IPMK: variants seen among roughly 807,000 people sequenced by gnomAD.
IPMK encodes the protein inositol polyphosphate multikinase, also known as inositol 1,3,4,6-tetrakisphosphate 5-kinase.
Under a neutral mutation model 45.8 loss-of-function variants are expected in IPMK, and 17 were observed. That is an observed-to-expected ratio of 0.37 (90% CI 0.25 to 0.56). The LOEUF (loss-of-function observed/expected upper bound fraction) is 0.56. IPMK is among the 20% of genes least tolerant of loss of function. IPMK has a pLI of 0.79. For missense variants in IPMK, 399 were observed against 498.0 expected (o/e 0.80, Z 1.89); for synonymous variants, 180 against 184.3 (o/e 0.98, Z 0.19).
chr10:58,217,364 G>C (rs1013666662), intron 3 of IPMK, among the ~76,000 whole-genome samples: 1 of 151,708 alleles, frequency 6.6e-6, no homozygotes, highest in African/African-American at 2.4e-5. Flanking sequence ...AAACAGTAAG[G>C]AAAGAAATTC....
In IPMK at chr10:58,196,652, A is replaced by T; in HGVS notation, c.675T>A (p.Ala225=). 6.2e-7 allele frequency: 1 copy of T among 1,612,240 alleles called. No homozygotes were observed. Among genetic ancestry groups the T allele is most frequent in the South Asian group, 1.1e-5 (1 of 90,646 alleles). The change falls in exon 6 of 6, where the codon GCT becomes GCA. Residue 225 remains alanine, a synonymous_variant. Coordinates refer to ENST00000373935, the MANE Select transcript of IPMK (RefSeq NM_152230.5). The stretch of plus-strand genomic sequence containing the variant: ...CAATCTTCTGAATACTGGCAGCAAC[A>T]GCATCTTTTCTTAAGCAGTACCCAT... ...FHNGYCLRKD[A]VAASIQKIEK... is the part of the protein sequence containing the mutation.
intron 1 of IPMK, among the ~76,000 whole-genome samples, chr10:58,251,633 A>C (rs1838881710): frequency 6.6e-6 from 1 of 152,142 alleles, no homozygotes; most frequent in East Asian, 1.9e-4. Context: ...TAGGTCCACT[A>C]ATATGTTTTA....
At chr10:58,226,946 TA>T (rs1227794334) in intron 3 of IPMK, 96 bp downstream of exon 3, 1 of 695,310 alleles carries the variant, frequency 1.4e-6, no homozygotes, top group Non-Finnish European at 2.4e-6. Flanking sequence ...TGTGTTTTTA[TA>T]ATACATACTC....
In IPMK at chr10:58,192,933, A is replaced by G. The variant is rs1837837774; in HGVS notation, c.*3143T>C. ...TGGAGAAAGAAGGTAAGCATTATAA[A>G]CAATTTTTAAAGCAAAACAAGTTTT... On this transcript the variant is annotated 3_prime_UTR_variant, in exon 6 of 6. Transcript: ENST00000373935. 1 of 152,016 alleles carries G rather than the reference A, an allele frequency of 6.6e-6. No individual in the cohort carries two copies. The highest frequency in any genetic ancestry group is 2.4e-5 in the African/African-American group (1 of 41,452). 9.4% of individuals were successfully genotyped at this position (152,016 alleles called of 1,614,324 possible).
chr10:58,243,948 G>A (rs1226419468), intron 1 of IPMK, among the ~76,000 whole-genome samples: 3 of 143,238 alleles, frequency 2.1e-5, no homozygotes, highest in African/African-American at 5.3e-5. Context: ...ACCGCCCATC[G>A]TCTGGGATGT....
In IPMK at chr10:58,243,372, C is replaced by A. The variant is rs558582148; in HGVS notation, c.191-5558G>T. Among the ~76,000 whole-genome samples the A allele has an allele frequency of 9.2e-5, 14 of 152,180 alleles. 1 individual carries two copies. The South Asian group carries it at 2.9e-3, about 32-fold the overall frequency. On this transcript the variant is annotated intron_variant, in intron 1 of 5. Transcript: ENST00000373935. Reference sequence around the variant, plus strand: ...CACTGCCTTTAAAAAAAGGAAAATCCCTCTCCCTCTCCCTCTTTCTACGGT... The same window carrying A: ...CACTGCCTTTAAAAAAAGGAAAATCACTCTCCCTCTCCCTCTTTCTACGGT...
chr10:58,240,773 C>T (rs1838685365), intron 1 of IPMK, among the ~76,000 whole-genome samples: 1 of 151,990 alleles, frequency 6.6e-6, no homozygotes, highest in Non-Finnish European at 1.5e-5. Context: ...TAACAAATAG[C>T]TAATGGCAAA....
chr10:58,267,334 C>T (rs995264366), intron 1 of IPMK, 88 bp downstream of exon 1: 10 of 1,353,896 alleles, frequency 7.4e-6, no homozygotes, highest in Middle Eastern at 2.0e-4. Flanking sequence ...GGCGTCCAGG[C>T]AGGCCCGAGA....
At chr10:58,242,510 G>C (rs1014168155) in intron 1 of IPMK, among the ~76,000 whole-genome samples, 1 of 150,658 alleles carries the variant, frequency 6.6e-6, no homozygotes, top group African/African-American at 2.4e-5. Flanking sequence ...GTCCATCAGA[G>C]AGAAACTTTA....
chr10:58,252,060 C>A (rs1335225015), intron 1 of IPMK, among the ~76,000 whole-genome samples: 2 of 152,024 alleles, frequency 1.3e-5, no homozygotes, highest in African/African-American at 2.4e-5. Context: ...TTCCTTTTTT[C>A]CACTTACTGT....
intron 3 of IPMK, among the ~76,000 whole-genome samples, chr10:58,221,408 AG>A (rs980718662): frequency 6.6e-6 from 1 of 151,966 alleles, no homozygotes; most frequent in Non-Finnish European, 1.5e-5. Flanking sequence ...AGATTAGTCA[AG>A]GTTATAGATA....
rs114297466 is a variant in IPMK, at chr10:58,242,240, G to A, written c.191-4426C>T. ...CACAACATGGATGAAAAGACATCAC[G>A]AGGTAAGGAGATCGAGACCATCTTG... On this transcript the variant is annotated intron_variant, in intron 1 of 5. Coordinates refer to ENST00000373935, the MANE Select transcript of IPMK (RefSeq NM_152230.5). Among the ~76,000 whole-genome samples, 1,040 of 152,170 alleles carry A rather than the reference G, an allele frequency of 6.8e-3. 11 individuals carry two copies. The highest frequency in any genetic ancestry group is 0.024 in the African/African-American group (994 of 41,530).
chr10:58,204,918 A>G (rs2132145642), intron 4 of IPMK, among the ~76,000 whole-genome samples: 1 of 152,348 alleles, frequency 6.6e-6, no homozygotes, highest in Admixed American at 6.5e-5. Flanking sequence ...CAATATGAAA[A>G]TGGAAAACAT....
intron 3 of IPMK, among the ~76,000 whole-genome samples, chr10:58,221,952 T>C (rs1350015294): frequency 6.6e-6 from 1 of 152,154 alleles, no homozygotes; most frequent in East Asian, 1.9e-4. Flanking sequence ...TTTCACCATG[T>C]TGGCCAGGCT....
At position 58,217,682 on chromosome 10, in the gene IPMK, C is replaced by T. The variant is rs1838266125; in HGVS notation, c.374-1365G>A. On this transcript the variant is annotated intron_variant, in intron 3 of 5. Transcript: ENST00000373935. ...CAGCCTGGGCAACAAGAGCAAAACT[C>T]CATCTCAAAAAAAAAAAAAAAAAAA... Among the ~76,000 whole-genome samples the T allele has an allele frequency of 4.6e-5, 3 of 65,804 alleles. No individual in the cohort carries two copies. The South Asian group carries it at 1.3e-3, about 29-fold the overall frequency. The allele number at this position is 65,804 out of a possible 152,430, so 43.2% of individuals were successfully genotyped here.
chr10:58,219,198 T>TA (rs1838294093), intron 3 of IPMK, among the ~76,000 whole-genome samples: 1 of 152,208 alleles, frequency 6.6e-6, no homozygotes, highest in Non-Finnish European at 1.5e-5. Flanking sequence ...TCTCTAATCT[T>TA]ACATTTTTTT....
intron 4 of IPMK, among the ~76,000 whole-genome samples, chr10:58,215,011 A>T (rs577529741): frequency 1.3e-5 from 2 of 152,212 alleles, no homozygotes; most frequent in African/African-American, 2.4e-5. Flanking sequence ...AATTTCATAG[A>T]AGTGACAGCA....
intron 3 of IPMK, among the ~76,000 whole-genome samples, chr10:58,217,156 C>CTTTTTTT (rs58314639): frequency 1.7e-4 from 18 of 102,898 alleles, no homozygotes; most frequent in East Asian, 3.2e-4. Flanking sequence ...GCCCATCTTG[C>CTTTTTTT]TTTTTTTTTT....
chr10:58,265,543 T>C (rs1302386812), intron 1 of IPMK, among the ~76,000 whole-genome samples: 1 of 152,166 alleles, frequency 6.6e-6, no homozygotes, highest in Non-Finnish European at 1.5e-5. Context: ...AACAATACAG[T>C]CAGGATTGTA....
Sources: gnomAD v4.1 joint callset for allele counts (sites outside exome capture counted in the v4.1 genomes callset) on GRCh38, gnomAD v4.1.1 for gene constraint, MANE v1.5 for transcripts, NCBI Gene and HGNC (gene_info 2026-07-23, HGNC 2026-07-21) for gene names.